The following DNAJC1 variants were observed in gnomAD, a reference collection of about 807,000 sequenced individuals.
The protein encoded by DNAJC1 is DnaJ heat shock protein family (Hsp40) member C1.
DNAJC1 carries 58 observed loss-of-function variants against 76.6 expected under a neutral mutation model. The ratio of observed to expected loss-of-function variants is 0.76; its 90% CI spans 0.61 to 0.94. The LOEUF is 0.94. Ranked by LOEUF, DNAJC1 falls within the 40% of genes least tolerant of loss-of-function variation. The pLI is 0.00. For synonymous variants in DNAJC1, 258 were observed against 267.9 expected, an observed-to-expected ratio of 0.96 and a Z score of 0.36; for missense variants, 689 against 677.3, an observed-to-expected ratio of 1.02 and a Z score of -0.19.
At chr10:21,912,607 A>C (rs1420473482) in intron 6 of DNAJC1, among the ~76,000 whole-genome samples, 1 of 152,044 alleles carries the variant, frequency 6.6e-6, no homozygotes, top group Non-Finnish European at 1.5e-5. Context: ...TTCCTGTGTC[A>C]GGTTTCTGTA....
chr10:21,759,109 G>A (rs1261562946), intron 11 of DNAJC1, 61 bp downstream of exon 11: 3 of 1,511,494 alleles, frequency 2.0e-6, no homozygotes, highest in African/African-American at 1.4e-5. Context: ...AGGCAGACAA[G>A]CTGTGGCTCC....
intron 1 of DNAJC1, among the ~76,000 whole-genome samples, chr10:21,979,570 T>C (rs1285653596): frequency 6.6e-6 from 1 of 152,082 alleles, no homozygotes; most frequent in Non-Finnish European, 1.5e-5. Context: ...AGGGTGTGAC[T>C]TTGCAGAATA....
At chr10:21,836,990 C>T (rs540313379) in intron 8 of DNAJC1, among the ~76,000 whole-genome samples, 3 of 152,336 alleles carry the variant, frequency 2.0e-5, no homozygotes, top group South Asian at 2.1e-4. Context: ...GCTGCCATCT[C>T]GGCTCACTGC....
At chr10:21,898,973 AC>A (rs757049057) in intron 7 of DNAJC1, among the ~76,000 whole-genome samples, 38 of 152,232 alleles carry the variant, frequency 2.5e-4, no homozygotes, top group Admixed American at 1.2e-3. Context: ...GACTAGGAAA[AC>A]TACTTGACCC....
In DNAJC1 at chr10:21,909,580, T is replaced by C. The variant is rs1381546826; in HGVS notation, c.730-4968A>G. 2.0e-5 allele frequency among the ~76,000 whole-genome samples: 3 copies of C among 152,232 alleles called. 1 individual carries two copies. Among genetic ancestry groups the C allele is most frequent in the South Asian group, 4.1e-4 (2 of 4,830 alleles). ...TAATGCAATCAATAAATAAAGTTTG[T>C]TGAATGAATTACTGGCAAAGAAAGT... On this transcript the variant is annotated intron_variant, in intron 6 of 11. Coordinates refer to ENST00000376980, the MANE Select transcript of DNAJC1 (RefSeq NM_022365.4).
At chr10:21,945,932 C>CTT in intron 1 of DNAJC1, among the ~76,000 whole-genome samples, 1 of 55,884 alleles carries the variant, frequency 1.8e-5, no homozygotes, top group Non-Finnish European at 3.1e-5. Flanking sequence ...AGTGTTTCTT[C>CTT]ATAAATTCCA....
intron 1 of DNAJC1, among the ~76,000 whole-genome samples, chr10:21,969,076 T>C (rs118087988): frequency 0.015 from 2,318 of 151,730 alleles, 40 homozygotes; most frequent in South Asian, 0.064. Flanking sequence ...ATTTAAAAAT[T>C]AGGTGGGTGT....
chr10:21,974,692 T>C (rs1396650041), intron 1 of DNAJC1, among the ~76,000 whole-genome samples: 2 of 152,184 alleles, frequency 1.3e-5, no homozygotes, highest in Non-Finnish European at 2.9e-5. Context: ...AACACTGCTC[T>C]AAAAACCTGT....
chr10:21,766,921 C>T (rs1281140002), intron 9 of DNAJC1, among the ~76,000 whole-genome samples: 2 of 144,584 alleles, frequency 1.4e-5, no homozygotes, highest in East Asian at 2.0e-4. Flanking sequence ...AGTAAGCTGA[C>T]ATTGCACCAC....
At chr10:21,829,376 G>C (rs951904501) in intron 8 of DNAJC1, among the ~76,000 whole-genome samples, 2 of 152,124 alleles carry the variant, frequency 1.3e-5, no homozygotes, top group African/African-American at 4.8e-5. Context: ...ACTATGCCCG[G>C]CTAATTTCTT....
intron 8 of DNAJC1, among the ~76,000 whole-genome samples, chr10:21,818,664 C>T (rs1015610510): frequency 6.6e-6 from 1 of 152,186 alleles, no homozygotes; most frequent in South Asian, 2.1e-4. Flanking sequence ...TATTTCTCAA[C>T]CTGGCCGACG....
chr10:22,001,827 T>C (rs1838523223), intron 1 of DNAJC1, among the ~76,000 whole-genome samples: 1 of 152,216 alleles, frequency 6.6e-6, no homozygotes, highest in East Asian at 1.9e-4. Context: ...ATTAAAGTAG[T>C]TCTTAAAAGT....
At chr10:21,992,689 G>A (rs1368864478) in intron 1 of DNAJC1, among the ~76,000 whole-genome samples, 2 of 152,160 alleles carry the variant, frequency 1.3e-5, no homozygotes, top group Non-Finnish European at 2.9e-5. Flanking sequence ...TTGAAAAAGT[G>A]TGTCAGCTGT....
intron 9 of DNAJC1, among the ~76,000 whole-genome samples, chr10:21,785,892 G>A (rs1564787445): frequency 6.6e-6 from 1 of 152,186 alleles, no homozygotes; most frequent in African/African-American, 2.4e-5. Flanking sequence ...TCTATAACTA[G>A]TATGTAATGT....
intron 1 of DNAJC1, among the ~76,000 whole-genome samples, chr10:21,945,951 CA>C (rs1189494811): frequency 6.7e-6 from 1 of 149,008 alleles, no homozygotes; most frequent in Non-Finnish European, 1.5e-5. Flanking sequence ...CAACTTTATA[CA>C]AAATAACTGA....
intron 1 of DNAJC1, among the ~76,000 whole-genome samples, chr10:21,947,300 G>A (rs1334694041): frequency 1.3e-5 from 2 of 151,928 alleles, no homozygotes; most frequent in Non-Finnish European, 2.9e-5. Context: ...GATCTGCAAG[G>A]GTCCACTTAT....
At chr10:21,913,313 T>A (rs1275922818) in intron 6 of DNAJC1, among the ~76,000 whole-genome samples, 1 of 151,854 alleles carries the variant, frequency 6.6e-6, no homozygotes, top group Non-Finnish European at 1.5e-5. Context: ...CCTAGAAAAA[T>A]CAAACAAATT....
intron 1 of DNAJC1, among the ~76,000 whole-genome samples, chr10:21,984,835 T>C (rs1051428117): frequency 3.3e-5 from 5 of 152,212 alleles, no homozygotes; most frequent in African/African-American, 1.2e-4. Context: ...GACCAAGTTC[T>C]GACAGCATAG....
intron 8 of DNAJC1, among the ~76,000 whole-genome samples, chr10:21,880,754 C>G (rs1313590990): frequency 6.6e-6 from 1 of 152,120 alleles, no homozygotes; most frequent in Non-Finnish European, 1.5e-5. Flanking sequence ...CTTGAGTACC[C>G]TAGGATTTTC....
Sources: allele counts gnomAD v4.1 joint callset (sites outside exome capture counted in the v4.1 genomes callset), GRCh38; gene constraint gnomAD v4.1.1; transcripts MANE v1.5; gene names NCBI Gene and HGNC (gene_info 2026-07-23, HGNC 2026-07-21).